Variants in CIT observed in about 807,000 individuals in gnomAD.
CIT encodes the protein citron Rho-interacting kinase.
Under a neutral mutation model 272.7 loss-of-function variants are expected in CIT, and 79 were observed. That is an observed-to-expected ratio of 0.29 (90% CI 0.24 to 0.35). The LOEUF is 0.35. Among genes scored for constraint, CIT ranks in the 10% least tolerant of loss-of-function variants. The pLI is 1.00. For synonymous variants in CIT, 948 were observed against 995.6 expected (o/e 0.95, Z 0.90); for missense variants, 1,909 against 2,618.3 (o/e 0.73, Z 5.91).
intron 5 of CIT, among the ~76,000 whole-genome samples, chr12:119,847,709 G>GGCGAAACCC (rs1969913904): frequency 2.0e-5 from 3 of 152,132 alleles, no homozygotes; most frequent in Non-Finnish European, 4.4e-5. Flanking sequence ...CCACCAACAT[G>GGCGAAACCC]GCGAAACCCC....
Position 119,862,808 on chromosome 12 carries a change from T to TAAA in CIT, c.239-5113_239-5111dup, listed in dbSNP as rs1157467178. ...CTGGGTGACAGAGCAAGACTCTACC[T>TAAA]AAAAAAAAAAAAAAAAAAAAAAAAA... On this transcript the variant is annotated intron_variant, in intron 3 of 47. Coordinates refer to ENST00000392521, the MANE Select transcript of CIT (RefSeq NM_001206999.2). Among the ~76,000 whole-genome samples, 34 of 10,246 alleles carry TAAA rather than the reference T, an allele frequency of 3.3e-3. 3 individuals carry two copies. The highest frequency in any genetic ancestry group is 6.8e-3 in the Admixed American group (4 of 590). The allele number at this position is 10,246 out of a possible 152,430, so 6.7% of individuals were successfully genotyped here. A position where few individuals can be genotyped will look rare whatever the true frequency, so the allele number is the denominator to read the frequency against.
rs1262831046 is a variant in CIT, at chr12:119,804,298, G to A, written c.1112-909C>T. 4 of 985,376 alleles carry A rather than the reference G, an allele frequency of 4.1e-6. No homozygotes were observed. Among genetic ancestry groups the A allele is most frequent in the Non-Finnish European group, 4.8e-6 (4 of 829,994 alleles). 61.0% of individuals were successfully genotyped at this position (985,376 alleles called of 1,614,324 possible). A position where few individuals can be genotyped will look rare whatever the true frequency, so the allele number is the denominator to read the frequency against. On this transcript the variant is annotated intron_variant, in intron 9 of 47. Coordinates refer to ENST00000392521, the MANE Select transcript of CIT (RefSeq NM_001206999.2). This position sits in a 1 kb window ranked among gnomAD's most constrained non-coding sequence, Gnocchi z 5.3. Reference sequence around the variant, plus strand: ...AGGCTGCCCATCGCGGTGGGCTCCCGGGGGTGTCCCCCGCCAGAAACGTTA... The same window carrying A: ...AGGCTGCCCATCGCGGTGGGCTCCCAGGGGTGTCCCCCGCCAGAAACGTTA...
chr12:119,730,346 A>C (rs1958369200), intron 27 of CIT, 149 bp downstream of exon 27: 1 of 903,380 alleles, frequency 1.1e-6, no homozygotes. Flanking sequence ...TCCCATGGTA[A>C]GGCAAAACCA....
chr12:119,846,921 T>A (rs1327494884), intron 5 of CIT, among the ~76,000 whole-genome samples: 1 of 148,022 alleles, frequency 6.8e-6, no homozygotes, highest in African/African-American at 2.5e-5. Flanking sequence ...AATACGTATC[T>A]AAAACAACAA....
rs189692618 is a variant in CIT at position 119,727,269 on chromosome 12, C to A, written c.3591+1233G>T. ...ATACCTTAAGACAAGTATTACATGA[C>A]CCCCATACTCTTACTTGAAAATTCT... On this transcript the variant is annotated intron_variant, in intron 28 of 47. Transcript: ENST00000392521. Among the ~76,000 whole-genome samples, 12 of 152,292 alleles carry A rather than the reference C, an allele frequency of 7.9e-5. 2 individuals carry two copies. The highest frequency in any genetic ancestry group is 2.9e-4 in the African/African-American group (12 of 41,558).
chr12:119,708,130 T>C, intron 40 of CIT, 49 bp downstream of exon 40: 1 of 1,455,882 alleles, frequency 6.9e-7, no homozygotes, highest in Non-Finnish European at 9.1e-7. Context: ...AGAGAGGTAG[T>C]GTCAATTTCC....
intron 5 of CIT, 144 bp from the exon 6 acceptor site, chr12:119,834,372 T>C (rs749768515): frequency 2.1e-5 from 15 of 701,762 alleles, no homozygotes; most frequent in Non-Finnish European, 3.5e-5. Context: ...CTGTAAGTCA[T>C]GTAGGATGAA....
At chr12:119,732,465 C>A (rs2137235569) in intron 26 of CIT, among the ~76,000 whole-genome samples, 1 of 152,194 alleles carries the variant, frequency 6.6e-6, no homozygotes, top group East Asian at 1.9e-4. Flanking sequence ...ACAACCAGAA[C>A]TTACAATGAG....
At chr12:119,875,896 G>A (rs1467651141) in intron 2 of CIT, among the ~76,000 whole-genome samples, 177 bp downstream of exon 2, 1 of 152,150 alleles carries the variant, frequency 6.6e-6, no homozygotes, top group Admixed American at 6.6e-5. Flanking sequence ...GCTGAGGCAG[G>A]AGAATCGCTT....
chr12:119,840,917 C>CT (rs1437749122), intron 5 of CIT, among the ~76,000 whole-genome samples: 1 of 152,196 alleles, frequency 6.6e-6, no homozygotes, highest in African/African-American at 2.4e-5. Flanking sequence ...ACAGCATAGC[C>CT]TGCTATTCAT....
chr12:119,760,266 C>T (rs1961594298), intron 20 of CIT, among the ~76,000 whole-genome samples: 1 of 150,124 alleles, frequency 6.7e-6, no homozygotes, highest in African/African-American at 2.5e-5. Flanking sequence ...CACAGGTAAA[C>T]CTTAGGGGCA....
rs546553104 is a variant in CIT at position 119,757,935 on chromosome 12, A to C, written c.2532-390T>G. Among the ~76,000 whole-genome samples, 4 of 152,274 alleles carry C rather than the reference A, an allele frequency of 2.6e-5. No individual in the cohort carries two copies. In the South Asian group the frequency reaches 6.2e-4, roughly 24 times the overall value. The stretch of plus-strand genomic sequence containing the variant: ...TCATGAAGGCAGGCCCTGGAGAAAA[A>C]GGACTAAGGAGAAAGAATGGTATTC... On this transcript the variant is annotated intron_variant, in intron 21 of 47. Transcript: ENST00000392521.
At position 119,834,142 on chromosome 12, in the gene CIT, G is replaced by A; in HGVS notation, c.603C>T (p.Tyr201=). ...GAACAGCCAAAATCAGCTCAGCTAG[G>A]TAAAACTGTATCAGGTTTTCATCTA... ...DQLDENLIQF[Y]LAELILAVHS... is the part of the protein sequence containing the mutation. The change falls in exon 6 of 48, where the codon TAC becomes TAT. Residue 201 remains tyrosine, a synonymous_variant. Coordinates refer to ENST00000392521, the MANE Select transcript of CIT (RefSeq NM_001206999.2). 6.2e-7 allele frequency: 1 copy of A among 1,614,038 alleles called. No individual in the cohort carries two copies. Among genetic ancestry groups the A allele is most frequent in the Non-Finnish European group, 8.5e-7 (1 of 1,179,950 alleles).
At chr12:119,870,414 G>A (rs931445442) in intron 2 of CIT, among the ~76,000 whole-genome samples, 4 of 151,952 alleles carry the variant, frequency 2.6e-5, no homozygotes, top group Non-Finnish European at 5.9e-5. Context: ...GCCAGGCGTG[G>A]TGGTAGGCAC....
At chr12:119,689,677 T>A (rs1305951092) in intron 47 of CIT, among the ~76,000 whole-genome samples, 1 of 122,502 alleles carries the variant, frequency 8.2e-6, no homozygotes, top group Non-Finnish European at 1.6e-5. Flanking sequence ...TTTTTTTTTT[T>A]TTTTTTTTTT....
At chr12:119,779,808 C>T (rs540559178) in intron 13 of CIT, among the ~76,000 whole-genome samples, 4 of 152,312 alleles carry the variant, frequency 2.6e-5, no homozygotes, top group Admixed American at 2.6e-4. Flanking sequence ...CAGTCTCCTA[C>T]AAGCATCAAA....
chr12:119,776,331 T>C (rs754370353), intron 15 of CIT, 27 bp downstream of exon 15: 19 of 1,596,458 alleles, frequency 1.2e-5, no homozygotes, highest in East Asian at 1.1e-4. Flanking sequence ...AAAATATTAA[T>C]AGCAAAACCA....
intron 46 of CIT, among the ~76,000 whole-genome samples, chr12:119,695,341 C>G (rs1565895963): frequency 6.6e-6 from 1 of 152,126 alleles, no homozygotes; most frequent in Non-Finnish European, 1.5e-5. Flanking sequence ...AAAACTGTTG[C>G]TATCTGACCT....
intron 46 of CIT, among the ~76,000 whole-genome samples, chr12:119,696,150 C>CA (rs1956212336): frequency 6.6e-6 from 1 of 152,112 alleles, no homozygotes; most frequent in African/African-American, 2.4e-5. Context: ...AGTTAGGAGG[C>CA]AAGAGAGACC....
Sources: allele counts gnomAD v4.1 joint callset (sites outside exome capture counted in the v4.1 genomes callset), GRCh38; gene constraint gnomAD v4.1.1; non-coding constraint Gnocchi (gnomAD v3.1); transcripts MANE v1.5; gene names NCBI Gene and HGNC (gene_info 2026-07-23, HGNC 2026-07-21).